Variants in AGBL3 observed in about 807,000 individuals in gnomAD.
The protein encoded by AGBL3 is cytosolic carboxypeptidase 3.
A neutral mutation model predicts 94.5 loss-of-function variants in AGBL3; 68 were observed. The ratio of observed to expected loss-of-function variants is 0.72; its 90% confidence interval spans 0.59 to 0.88. The LOEUF (loss-of-function observed/expected upper bound fraction) is 0.88, where lower values mean the gene tolerates loss of function less well. Among genes scored for constraint, AGBL3 ranks in the 40% least tolerant of loss-of-function variants. The pLI is 0.00. For synonymous variants in AGBL3, 354 were observed against 370.7 expected, an observed-to-expected ratio of 0.95 and a Z score of 0.52; for missense variants, 934 against 1,103.8, an observed-to-expected ratio of 0.85 and a Z score of 2.18.
At chr7:135,007,024 T>A (rs1220407453) in intron 4 of AGBL3, among the ~76,000 whole-genome samples, 4 of 151,926 alleles carry the variant, frequency 2.6e-5, no homozygotes, top group Non-Finnish European at 1.5e-5. Context: ...AGTAAAGAGA[T>A]TTAATTAATA....
Position 135,045,550 on chromosome 7 carries a change from T to C in AGBL3, c.1704T>C (p.Asp568=). Residue 568 remains aspartate (D), a synonymous_variant, in exon 10 of 17, where the codon GAT becomes GAC. Coordinates refer to ENST00000436302, the MANE Select transcript of AGBL3 (RefSeq NM_178563.4). ...ATCATTTTTGTGATTCTCTCTTGGA[T>C]TATTGTGATCCCGACCGGACCAAGG... is the stretch of plus-strand genomic sequence containing the variant. ...MGYHFCDSLL[D]YCDPDRTKYY... 1.9e-6 allele frequency: 3 copies of C among 1,551,128 alleles called. No homozygotes were observed. Among genetic ancestry groups the C allele is most frequent in the Non-Finnish European group, 2.6e-6 (3 of 1,146,606 alleles).
At chr7:135,089,896 G>T (rs1449080940) in intron 15 of AGBL3, among the ~76,000 whole-genome samples, 1 of 152,164 alleles carries the variant, frequency 6.6e-6, no homozygotes, top group Non-Finnish European at 1.5e-5. Context: ...AACTATTGTG[G>T]TACCTGGGTC....
In AGBL3 at chr7:135,135,196, G is replaced by C. The variant is rs1444363126; in HGVS notation, c.2698G>C (p.Asp900His). The change falls in exon 17 of 17, where the codon GAT becomes CAT. Residue 900 changes from aspartate to histidine, a missense_variant. By Grantham distance (81) the Asp-to-His change is moderately conservative. This residue lies in a region of AGBL3 where 441 missense variants were observed against 518.2 expected (regional missense o/e 0.85). Coordinates refer to ENST00000436302, the MANE Select transcript of AGBL3 (RefSeq NM_178563.4). ...AGCCCTCCATCTAACTAAAAATAAG[G>C]ATGAGCAGGCCAATAAGAATGATGG... ...HTALHLTKNK[D>H]EQANKNDGQP... 1 of 1,547,844 alleles carries C rather than the reference G, an allele frequency of 6.5e-7. No individual in the cohort carries two copies. Among genetic ancestry groups the C allele is most frequent in the Non-Finnish European group, 8.7e-7 (1 of 1,145,708 alleles).
chr7:135,049,506 A>C lies in AGBL3; in HGVS notation c.1841+3595A>C, dbSNP rs1817682260. Among the ~76,000 whole-genome samples the C allele has an allele frequency of 2.6e-5, 4 of 152,064 alleles. No individual in the cohort carries two copies. In the South Asian group the frequency reaches 8.3e-4, roughly 31 times the overall value. ...GAAGGATTGGCATTAATTATTCTTT[A>C]AACATTTTATAGAATTCACCAATGA... On this transcript the variant is annotated intron_variant, in intron 11 of 16. Coordinates refer to ENST00000436302, the MANE Select transcript of AGBL3 (RefSeq NM_178563.4).
intron 8 of AGBL3, among the ~76,000 whole-genome samples, chr7:135,040,577 A>G (rs1213267891): frequency 8.8e-6 from 1 of 113,922 alleles, no homozygotes. Flanking sequence ...GCATCTTGTT[A>G]TGAAAAAAAA....
chr7:135,128,032 G>A (rs1316835349), intron 16 of AGBL3, among the ~76,000 whole-genome samples: 7 of 152,234 alleles, frequency 4.6e-5, no homozygotes, highest in Middle Eastern at 3.4e-3. Context: ...GGTGGCTCAC[G>A]CCTATAATCC....
intron 5 of AGBL3, among the ~76,000 whole-genome samples, chr7:135,021,690 A>C (rs1348139860): frequency 6.8e-6 from 1 of 147,872 alleles, no homozygotes. Context: ...TCTGGCATAC[A>C]TGTGCAGAAT....
At chr7:135,050,731 C>A (rs1001715282) in intron 11 of AGBL3, among the ~76,000 whole-genome samples, 4 of 151,876 alleles carry the variant, frequency 2.6e-5, no homozygotes, top group Non-Finnish European at 5.9e-5. Context: ...TATAGCTATT[C>A]TTGCTCTCTT....
chr7:135,128,923 T>C (rs1299038748), intron 16 of AGBL3: 2 of 1,523,764 alleles, frequency 1.3e-6, no homozygotes, highest in African/African-American at 1.4e-5. Context: ...AATTTGTTCC[T>C]GTGCAATATC....
chr7:135,086,733 G>A (rs1418143597), intron 15 of AGBL3, among the ~76,000 whole-genome samples: 3 of 151,920 alleles, frequency 2.0e-5, no homozygotes, highest in Non-Finnish European at 4.4e-5. Flanking sequence ...GGGTTTAGGA[G>A]ATTTGGTTTG....
chr7:135,052,654 TGTAA>T (rs1817984437), intron 11 of AGBL3, among the ~76,000 whole-genome samples: 2 of 152,142 alleles, frequency 1.3e-5, no homozygotes, highest in Admixed American at 6.6e-5. Flanking sequence ...AGCTCCCACT[TGTAA>T]GTGAGAACAT....
intron 2 of AGBL3, 93 bp from the exon 3 acceptor site, chr7:134,989,157 C>T: frequency 1.2e-6 from 1 of 814,544 alleles, no homozygotes; most frequent in African/African-American, 1.7e-5. Flanking sequence ...AAGACATATA[C>T]TCAATCCCAA....
intron 15 of AGBL3, among the ~76,000 whole-genome samples, chr7:135,109,223 C>G (rs899007066): frequency 2.6e-5 from 4 of 152,180 alleles, no homozygotes; most frequent in African/African-American, 9.7e-5. Flanking sequence ...GGTTGGAGAA[C>G]TGATGCAGTC....
At chr7:135,020,782 C>T (rs1814345979) in intron 5 of AGBL3, among the ~76,000 whole-genome samples, 1 of 151,892 alleles carries the variant, frequency 6.6e-6, no homozygotes, top group Non-Finnish European at 1.5e-5. Context: ...AGCTGGAAAC[C>T]ATCATTCTGA....
chr7:135,124,302 G>A (rs1827557683), intron 16 of AGBL3, among the ~76,000 whole-genome samples: 1 of 151,672 alleles, frequency 6.6e-6, no homozygotes, highest in Non-Finnish European at 1.5e-5. Flanking sequence ...AGACAAAGAA[G>A]GGTATTACAT....
intron 5 of AGBL3, among the ~76,000 whole-genome samples, chr7:135,018,300 G>A (rs1814039084): frequency 6.6e-6 from 1 of 152,188 alleles, no homozygotes. Flanking sequence ...CTGTGGCACC[G>A]AAGGGAAAAT....
intron 15 of AGBL3, among the ~76,000 whole-genome samples, chr7:135,099,402 GAAGAT>G (rs1489055680): frequency 6.6e-6 from 1 of 152,106 alleles, no homozygotes; most frequent in East Asian, 1.9e-4. Flanking sequence ...TAGGTTAATT[GAAGAT>G]AAGCTCAATT....
rs117154652 is a variant in AGBL3, at chr7:135,130,530, C to T, written c.2343-4311C>T. Among the ~76,000 whole-genome samples the T allele has an allele frequency of 3.8e-4, 56 of 146,678 alleles. No homozygotes were observed. The East Asian group carries it at 1.0e-2, about 26-fold the overall frequency. On this transcript the variant is annotated intron_variant, in intron 16 of 16. Coordinates refer to ENST00000436302, the MANE Select transcript of AGBL3 (RefSeq NM_178563.4). The stretch of plus-strand genomic sequence containing the variant: ...TTGCCCTACCTTCTGTTTGTAAGGA[C>T]AGTCTTAATATTAATTCCAGCAACA...
intron 15 of AGBL3, among the ~76,000 whole-genome samples, chr7:135,087,596 A>C (rs1821432508): frequency 6.6e-6 from 1 of 151,902 alleles, no homozygotes; most frequent in Non-Finnish European, 1.5e-5. Flanking sequence ...GTTATTCAGA[A>C]GTATGTTGTC....
Sources: gnomAD v4.1 joint callset for allele counts (sites outside exome capture counted in the v4.1 genomes callset) on GRCh38, gnomAD v4.1.1 for gene constraint, gnomAD v4.1.1 regional missense constraint, MANE v1.5 for transcripts, NCBI Gene and HGNC (gene_info 2026-07-23, HGNC 2026-07-21) for gene names.